TNK2: variants seen among roughly 807,000 people sequenced by gnomAD.
TNK2 encodes activated CDC42 kinase 1.
A neutral mutation model predicts 101.8 loss-of-function variants in TNK2; 83 were observed. The observed-to-expected ratio is 0.82, with a 90% CI of 0.68 to 0.98. The LOEUF is 0.98. TNK2 is among the 50% of genes least tolerant of loss of function. The probability of loss-of-function intolerance (pLI) is 0.00; values close to 1 mark genes in which losing one functional copy is unlikely to be tolerated. For synonymous variants in TNK2, 804 were observed against 633.0 expected, an observed-to-expected ratio of 1.27 and a Z score of -4.06; for missense variants, 1,665 against 1,483.2, an observed-to-expected ratio of 1.12 and a Z score of -2.01.
chr3:195,881,919 G>A, intron 6 of TNK2, 132 bp downstream of exon 6: 1 of 1,073,718 alleles, frequency 9.3e-7, no homozygotes, highest in Non-Finnish European at 1.3e-6. Flanking sequence ...TGCAAAGGAG[G>A]GCACCCCAGG....
chr3:195,905,092 G>A (rs1389904710), intron 1 of TNK2, among the ~76,000 whole-genome samples: 1 of 152,176 alleles, frequency 6.6e-6, no homozygotes, highest in Admixed American at 6.5e-5. Context: ...ACTTACTATA[G>A]TTTATAAACC....
chr3:195,895,803 A>T, intron 1 of TNK2: 1 of 182,928 alleles, frequency 5.5e-6, no homozygotes, highest in Non-Finnish European at 1.1e-5. Flanking sequence ...TCCATCTGAG[A>T]CCCCCTCCTC....
At chr3:195,890,328 C>T (rs1368713713) in intron 1 of TNK2, among the ~76,000 whole-genome samples, 1 of 152,118 alleles carries the variant, frequency 6.6e-6, no homozygotes, top group Non-Finnish European at 1.5e-5. Flanking sequence ...GCCTGCAATG[C>T]GTAGGACATT....
At chr3:195,869,038 G>A (rs1742921141) in intron 12 of TNK2, 4 of 459,864 alleles carry the variant, frequency 8.7e-6, no homozygotes, top group South Asian at 3.4e-5. Flanking sequence ...CCTGCGCCCT[G>A]GCGAGTTAGT....
chr3:195,866,828 G>A (rs1741195352), intron 15 of TNK2, 61 bp downstream of exon 15: 1 of 1,571,490 alleles, frequency 6.4e-7, no homozygotes, highest in Non-Finnish European at 8.6e-7. Flanking sequence ...CTCCCAGTGT[G>A]GCAGGCTCTG....
chr3:195,864,093 G>T lies in TNK2; in HGVS notation c.*88C>A, dbSNP rs1225679532. On this transcript the variant is annotated 3_prime_UTR_variant, in exon 16 of 16. Coordinates refer to ENST00000672887, the MANE Select transcript of TNK2 (RefSeq NM_001382273.1). ...GCAGCAGGAGCAGCGGGTCCTCCAGGACTGGATGGGGGCATCTCCCCACTC... is the reference window on the plus strand; with the variant it reads ...GCAGCAGGAGCAGCGGGTCCTCCAGTACTGGATGGGGGCATCTCCCCACTC... 7 of 1,581,012 alleles carry T rather than the reference G, an allele frequency of 4.4e-6. No individual in the cohort carries two copies. Among genetic ancestry groups the T allele is most frequent in the Non-Finnish European group, 2.6e-6 (3 of 1,153,342 alleles).
At chr3:195,904,256 T>C (rs1238439466) in intron 1 of TNK2, among the ~76,000 whole-genome samples, 2 of 145,370 alleles carry the variant, frequency 1.4e-5, no homozygotes, top group Non-Finnish European at 3.0e-5. Context: ...AGTGAGACCT[T>C]GTCTTTAAAA....
At chr3:195,880,257 C>G (rs1477960164) in intron 6 of TNK2, among the ~76,000 whole-genome samples, 1 of 152,122 alleles carries the variant, frequency 6.6e-6, no homozygotes, top group Non-Finnish European at 1.5e-5. Context: ...ACAAGGCCTG[C>G]TGTGGCCTGG....
intron 6 of TNK2, among the ~76,000 whole-genome samples, chr3:195,881,712 G>A (rs550750460): frequency 7.6e-6 from 1 of 131,850 alleles, no homozygotes; most frequent in East Asian, 2.3e-4. Context: ...AATGCCCCTT[G>A]GAGAGGACAC....
intron 10 of TNK2, among the ~76,000 whole-genome samples, chr3:195,871,793 C>A (rs1215844325): frequency 2.0e-5 from 3 of 152,222 alleles, no homozygotes; most frequent in Non-Finnish European, 1.5e-5. Flanking sequence ...GCATTTACAG[C>A]CTTCCCCTTA....
intron 1 of TNK2, among the ~76,000 whole-genome samples, chr3:195,906,946 A>G (rs1761787026): frequency 6.6e-6 from 1 of 152,134 alleles, no homozygotes; most frequent in Non-Finnish European, 1.5e-5. Context: ...TACTCACGAC[A>G]CTGCAGGGGA....
At chr3:195,895,367 G>A in intron 1 of TNK2, 3 of 1,553,954 alleles carry the variant, frequency 1.9e-6, no homozygotes, top group East Asian at 2.6e-5. Flanking sequence ...CCCCGCAGCG[G>A]CACCGGCAGC....
intron 1 of TNK2, among the ~76,000 whole-genome samples, chr3:195,899,791 C>A (rs949568559): frequency 5.3e-5 from 8 of 152,312 alleles, no homozygotes; most frequent in African/African-American, 1.9e-4. Flanking sequence ...ACATCTGTCG[C>A]CCTGAAGGGA....
chr3:195,904,099 C>CA (rs34116952), intron 1 of TNK2, among the ~76,000 whole-genome samples: 21,378 of 150,174 alleles, frequency 0.14, 2,111 homozygotes, highest in East Asian at 0.39. Flanking sequence ...CAGAAAATTC[C>CA]AAAAAAAAAT....
At chr3:195,897,253 A>G (rs1760692119) in intron 1 of TNK2, among the ~76,000 whole-genome samples, 2 of 152,204 alleles carry the variant, frequency 1.3e-5, no homozygotes, top group South Asian at 4.1e-4. Context: ...GCACCAGGCA[A>G]CCCTGCACCT....
chr3:195,869,921 C>T (rs926918047), intron 11 of TNK2, 193 bp downstream of exon 11: 26 of 567,522 alleles, frequency 4.6e-5, no homozygotes, highest in Non-Finnish European at 7.2e-5. Flanking sequence ...CCGAGGAGGC[C>T]CACCTCGGCG....
intron 10 of TNK2, among the ~76,000 whole-genome samples, chr3:195,871,438 TC>T (rs1286700256): frequency 5.3e-5 from 8 of 151,844 alleles, no homozygotes; most frequent in Admixed American, 1.3e-4. Context: ...CCTGCATACA[TC>T]CCCAGGGCCT....
chr3:195,892,754 C>T, intron 1 of TNK2: 1 of 1,284,486 alleles, frequency 7.8e-7, no homozygotes. Context: ...TGGTCACAGT[C>T]CAGCCCTACT....
Position 195,888,384 on chromosome 3 carries a change from A to G in TNK2, c.163+42T>C. 6.3e-7 allele frequency: 1 copy of G among 1,596,078 alleles called. No homozygotes were observed. Among genetic ancestry groups the G allele is most frequent in the South Asian group, 1.1e-5 (1 of 89,034 alleles). On this transcript the variant is annotated intron_variant, in intron 2 of 15. Transcript: ENST00000672887. This position sits in a 1 kb window ranked among gnomAD's most constrained non-coding sequence, Gnocchi z 5.3. ...AGTGGTCCTGAGGACAGAGGACGGA[A>G]AGGGTCAGGGGCAAGACAAGCCAGG...
Sources: gnomAD v4.1 joint callset for allele counts (sites outside exome capture counted in the v4.1 genomes callset) on GRCh38, gnomAD v4.1.1 for gene constraint, Gnocchi (gnomAD v3.1) non-coding constraint, MANE v1.5 for transcripts, NCBI Gene and HGNC (gene_info 2026-07-23, HGNC 2026-07-21) for gene names.